MAMDC2: variants seen among roughly 807,000 people sequenced by gnomAD.
The protein encoded by MAMDC2 is MAM domain-containing protein 2.
MAMDC2 carries 57 observed loss-of-function variants against 89.8 expected under a neutral mutation model. The ratio of observed to expected loss-of-function variants is 0.63; its 90% CI spans 0.51 to 0.79. The LOEUF is 0.79. Ranked by LOEUF, MAMDC2 falls within the 30% of genes least tolerant of loss-of-function variation. The pLI is 0.00. For synonymous variants in MAMDC2, 313 were observed against 293.4 expected (o/e 1.07, Z -0.68); for missense variants, 800 against 820.6 (o/e 0.97, Z 0.31).
chr9:70,185,956 A>C (rs969077848), intron 11 of MAMDC2, among the ~76,000 whole-genome samples: 1 of 152,208 alleles, frequency 6.6e-6, no homozygotes, highest in Non-Finnish European at 1.5e-5. Flanking sequence ...TCTTCTGCAT[A>C]GGTCTTGCTA....
rs1455329534 is a variant in MAMDC2 at position 70,044,141 on chromosome 9, G to A, written c.-57G>A. 1.2e-5 allele frequency: 20 copies of A among 1,606,320 alleles called. No individual in the cohort carries two copies. The highest frequency in any genetic ancestry group is 1.5e-5 in the Non-Finnish European group (18 of 1,174,202). On this transcript the variant is annotated 5_prime_UTR_variant, in exon 1 of 14. Coordinates refer to ENST00000377182, the MANE Select transcript of MAMDC2 (RefSeq NM_153267.5). ...CGATCCCTTTCACTAGGAGCAGCCA[G>A]TCCCAGCGGGCTGGCAACTTGCACC...
chr9:70,112,090 T>C (rs1281255025), intron 4 of MAMDC2, among the ~76,000 whole-genome samples: 1 of 152,166 alleles, frequency 6.6e-6, no homozygotes, highest in Non-Finnish European at 1.5e-5. Flanking sequence ...AGCCCATTGA[T>C]ACAGTCCGGA....
chr9:70,060,071 C>T (rs1460112883), intron 2 of MAMDC2, among the ~76,000 whole-genome samples: 1 of 152,202 alleles, frequency 6.6e-6, no homozygotes. Context: ...AATTCTTTCA[C>T]TAGGACATTG....
chr9:70,091,113 C>T (rs1329041434), intron 2 of MAMDC2, among the ~76,000 whole-genome samples: 1 of 152,072 alleles, frequency 6.6e-6, no homozygotes, highest in African/African-American at 2.4e-5. Flanking sequence ...GAAGGGTGTC[C>T]CAGAAACTGA....
At chr9:70,067,669 G>T (rs1827299898) in intron 2 of MAMDC2, among the ~76,000 whole-genome samples, 1 of 152,198 alleles carries the variant, frequency 6.6e-6, no homozygotes, top group African/African-American at 2.4e-5. Flanking sequence ...TCTTACATGT[G>T]TTTATTATCT....
intron 2 of MAMDC2, 49 bp downstream of exon 2, chr9:70,044,746 T>C (rs1198454189): frequency 2.2e-6 from 3 of 1,387,908 alleles, no homozygotes; most frequent in Admixed American, 2.0e-5. Flanking sequence ...TCTTCCTTGA[T>C]GGCTTGCTTT....
intron 2 of MAMDC2, among the ~76,000 whole-genome samples, chr9:70,087,880 G>A (rs1239285826): frequency 6.6e-6 from 1 of 152,146 alleles, no homozygotes; most frequent in Non-Finnish European, 1.5e-5. Flanking sequence ...TGCTACTTCT[G>A]TAGGTCCCCA....
Position 70,079,896 on chromosome 9 carries a change from C to T in MAMDC2, c.149-28315C>T, listed in dbSNP as rs995730768. Among the ~76,000 whole-genome samples, 49 of 151,648 alleles carry T rather than the reference C, an allele frequency of 3.2e-4. 1 individual carries two copies. Among genetic ancestry groups the T allele is most frequent in the Admixed American group, 3.1e-3 (47 of 15,218 alleles). ...GAGTGGGAGCATGTGCAGCTGCAGT[C>T]GATTAAAACTGAATGAAAGTTTGTC... On this transcript the variant is annotated intron_variant, in intron 2 of 13. Transcript: ENST00000377182.
intron 6 of MAMDC2, 79 bp downstream of exon 6, chr9:70,126,494 G>C: frequency 1.4e-6 from 2 of 1,447,434 alleles, no homozygotes; most frequent in Non-Finnish European, 1.9e-6. Flanking sequence ...GAGATGGAGA[G>C]GCTGTGCAGC....
chr9:70,203,823 T>C (rs2033158600), intron 11 of MAMDC2, among the ~76,000 whole-genome samples: 2 of 121,718 alleles, frequency 1.6e-5, no homozygotes, highest in Non-Finnish European at 3.4e-5. Flanking sequence ...CCATTGCTGA[T>C]ACCCTTTCTT....
chr9:70,127,840 T>A (rs1490850252), intron 6 of MAMDC2, among the ~76,000 whole-genome samples: 1 of 152,164 alleles, frequency 6.6e-6, no homozygotes, highest in Non-Finnish European at 1.5e-5. Flanking sequence ...AAGAAATGCA[T>A]GTACTGCTTC....
chr9:70,220,075 G>T (rs1389850597), intron 12 of MAMDC2, among the ~76,000 whole-genome samples: 1 of 152,184 alleles, frequency 6.6e-6, no homozygotes, highest in Non-Finnish European at 1.5e-5. Flanking sequence ...TAAAGGCAAA[G>T]AATCTCTATG....
At chr9:70,211,422 T>A (rs1267326774) in intron 11 of MAMDC2, among the ~76,000 whole-genome samples, 1 of 152,234 alleles carries the variant, frequency 6.6e-6, no homozygotes, top group African/African-American at 2.4e-5. Context: ...TCGAATCAGC[T>A]ACTGAAGCTT....
chr9:70,111,884 T>G (rs1828519698), intron 4 of MAMDC2, among the ~76,000 whole-genome samples: 1 of 152,228 alleles, frequency 6.6e-6, no homozygotes, highest in African/African-American at 2.4e-5. Context: ...TGTTATCTTC[T>G]TTTGGTCTGA....
chr9:70,137,025 G>T (rs2031037741), intron 7 of MAMDC2, among the ~76,000 whole-genome samples: 1 of 152,080 alleles, frequency 6.6e-6, no homozygotes, highest in Admixed American at 6.6e-5. Context: ...CTCCAGTCTG[G>T]CTCATCTGGG....
At chr9:70,065,758 C>T (rs1177324476) in intron 2 of MAMDC2, among the ~76,000 whole-genome samples, 1 of 152,154 alleles carries the variant, frequency 6.6e-6, no homozygotes, top group Non-Finnish European at 1.5e-5. Context: ...AATTATTTCA[C>T]AATTTCACTT....
intron 11 of MAMDC2, among the ~76,000 whole-genome samples, chr9:70,200,198 A>C (rs1255341906): frequency 6.6e-6 from 1 of 151,846 alleles, no homozygotes; most frequent in Admixed American, 6.6e-5. Flanking sequence ...TAACGTTTAA[A>C]TCTTTAATCC....
chr9:70,097,799 A>G (rs1828067756), intron 2 of MAMDC2, among the ~76,000 whole-genome samples: 1 of 152,158 alleles, frequency 6.6e-6, no homozygotes, highest in Non-Finnish European at 1.5e-5. Context: ...CTTGGGTCTC[A>G]TTCATCCTCT....
intron 11 of MAMDC2, among the ~76,000 whole-genome samples, chr9:70,211,145 GA>G (rs1212884238): frequency 6.6e-6 from 1 of 152,172 alleles, no homozygotes; most frequent in Non-Finnish European, 1.5e-5. Flanking sequence ...GGCGTTCTCT[GA>G]ATTTCCTGAA....
Sources: gnomAD v4.1 joint callset for allele counts (sites outside exome capture counted in the v4.1 genomes callset) on GRCh38, gnomAD v4.1.1 for gene constraint, MANE v1.5 for transcripts, NCBI Gene and HGNC (gene_info 2026-07-23, HGNC 2026-07-21) for gene names.